Variants in EHBP1 observed in about 807,000 individuals in gnomAD.
EHBP1 encodes the protein EH domain-binding protein 1.
A neutral mutation model predicts 144.0 loss-of-function variants in EHBP1; 55 were observed. That is an observed-to-expected ratio of 0.38 (90% CI 0.31 to 0.48). The LOEUF (loss-of-function observed/expected upper bound fraction) is 0.48. Among genes scored for constraint, EHBP1 ranks in the 20% least tolerant of loss-of-function variants. The pLI, the probability that EHBP1 is intolerant of heterozygous loss-of-function variation, is 0.98. For missense variants in EHBP1, 1,200 were observed against 1,364.2 expected (o/e 0.88, Z 1.90); for synonymous variants, 469 against 472.7 (o/e 0.99, Z 0.10).
At chr2:62,957,117 C>T (rs2057741271) in intron 14 of EHBP1, among the ~76,000 whole-genome samples, 1 of 152,016 alleles carries the variant, frequency 6.6e-6, no homozygotes, top group Non-Finnish European at 1.5e-5. Context: ...ACAAATTCAA[C>T]CCAGAAGTTA....
chr2:62,993,943 C>T lies in EHBP1; in HGVS notation c.2945C>T (p.Thr982Ile). Residue 982 changes from threonine to isoleucine, a missense_variant, in exon 18 of 23, where the codon ACT becomes ATT. Coordinates refer to ENST00000431489, the MANE Select transcript of EHBP1 (RefSeq NM_001142616.3). ...GAGGAGAAGGCAGCGATAACTGAAA[C>T]TCAGAGGAAGCCATCAGAAGATGAA... ...GNEEKAAITE[T>I]QRKPSEDEVL... The T allele has an allele frequency of 6.3e-7, 1 of 1,584,720 alleles. No homozygotes were observed. The highest frequency in any genetic ancestry group is 1.2e-5 in the South Asian group (1 of 86,522).
At chr2:62,761,932 C>T (rs1262054854) in intron 3 of EHBP1, among the ~76,000 whole-genome samples, 1 of 152,130 alleles carries the variant, frequency 6.6e-6, no homozygotes, top group Non-Finnish European at 1.5e-5. Flanking sequence ...TGTTTCTTCC[C>T]ATTCTTTCTT....
intron 10 of EHBP1, among the ~76,000 whole-genome samples, chr2:62,898,365 C>G (rs1423959337): frequency 6.6e-6 from 1 of 152,120 alleles, no homozygotes; most frequent in Non-Finnish European, 1.5e-5. Context: ...CGTGAGCTCT[C>G]CTGAAAGACA....
chr2:63,011,385 TG>T (rs879344237), intron 19 of EHBP1, among the ~76,000 whole-genome samples: 17 of 152,068 alleles, frequency 1.1e-4, no homozygotes, highest in Admixed American at 1.0e-3. Flanking sequence ...AATGTTAGTG[TG>T]TGTGTAGCTT....
rs752981477 is a variant in EHBP1, at chr2:62,864,755, C to T, written c.782C>T (p.Pro261Leu). The change falls in exon 9 of 23, where the codon CCT becomes CTT. Residue 261 changes from proline to leucine, a missense_variant. Pro to Leu is a moderately conservative substitution (Grantham distance 98). This residue lies in a region of EHBP1 where 266 missense variants were observed against 262.4 expected (regional missense o/e 1.01). Coordinates refer to ENST00000431489, the MANE Select transcript of EHBP1 (RefSeq NM_001142616.3). Reference sequence around the variant, plus strand: ...GAACCTATCACTGAAACAGCTTCACCTAGAAAAACAGAAGACTCTTTTTAT... The same window carrying T: ...GAACCTATCACTGAAACAGCTTCACTTAGAAAAACAGAAGACTCTTTTTAT... ...SEEPITETAS[P>L]RKTEDSFYNN... is the part of the protein sequence containing the mutation. 1 of 1,611,850 alleles carries T rather than the reference C, an allele frequency of 6.2e-7. No homozygotes were observed. The highest frequency in any genetic ancestry group is 8.5e-7 in the Non-Finnish European group (1 of 1,179,192).
At chr2:62,862,698 G>A (rs970517295) in intron 8 of EHBP1, among the ~76,000 whole-genome samples, 1 of 152,098 alleles carries the variant, frequency 6.6e-6, no homozygotes, top group Non-Finnish European at 1.5e-5. Context: ...ATGTCACTTA[G>A]GAAACAATTT....
chr2:63,021,253 C>G (rs1179037642), intron 19 of EHBP1, among the ~76,000 whole-genome samples: 1 of 151,994 alleles, frequency 6.6e-6, no homozygotes, highest in African/African-American at 2.4e-5. Context: ...TCTCCCCCAG[C>G]CCCCCAGAAA....
rs76324625 is a variant in EHBP1, at chr2:62,764,768, G to A, written c.258+407G>A. ...TATTAATGTTAATGTAACAAGATGTGTTTTAAATTGATATTTGATAAATAT... is the reference window on the plus strand; with the variant it reads ...TATTAATGTTAATGTAACAAGATGTATTTTAAATTGATATTTGATAAATAT... On this transcript the variant is annotated intron_variant, in intron 4 of 22. Transcript: ENST00000431489. Among the ~76,000 whole-genome samples the A allele has an allele frequency of 6.4e-4, 98 of 152,096 alleles. No individual in the cohort carries two copies. In the East Asian group the frequency reaches 0.017, roughly 27 times the overall value.
At chr2:62,754,365 AG>A (rs1242862323) in intron 3 of EHBP1, among the ~76,000 whole-genome samples, 1 of 152,146 alleles carries the variant, frequency 6.6e-6, no homozygotes, top group Admixed American at 6.5e-5. Flanking sequence ...CTCATCTCAG[AG>A]GGGTACCTGG....
At chr2:62,821,273 A>T (rs1205003604) in intron 5 of EHBP1, among the ~76,000 whole-genome samples, 3 of 152,200 alleles carry the variant, frequency 2.0e-5, no homozygotes, top group African/African-American at 7.2e-5. Context: ...TAGGAGAGGC[A>T]TTACATTAAT....
At chr2:62,883,868 G>A (rs547563907) in intron 10 of EHBP1, among the ~76,000 whole-genome samples, 2 of 152,316 alleles carry the variant, frequency 1.3e-5, no homozygotes, top group Admixed American at 1.3e-4. Context: ...TTACTTGGGA[G>A]GTTAAGGTGG....
At chr2:62,805,734 C>G (rs2044398170) in intron 5 of EHBP1, among the ~76,000 whole-genome samples, 1 of 152,118 alleles carries the variant, frequency 6.6e-6, no homozygotes, top group Non-Finnish European at 1.5e-5. Flanking sequence ...CCAGGCTGGT[C>G]TCAAGCTCCT....
chr2:62,961,688 CTTTT>C (rs926233140), intron 14 of EHBP1, among the ~76,000 whole-genome samples: 5 of 152,166 alleles, frequency 3.3e-5, no homozygotes, highest in African/African-American at 9.6e-5. Context: ...GAAAATATTT[CTTTT>C]TTTATTATTT....
intron 4 of EHBP1, 102 bp downstream of exon 4, chr2:62,764,463 G>A: frequency 3.9e-6 from 3 of 773,740 alleles, no homozygotes; most frequent in East Asian, 3.1e-5. Flanking sequence ...TGTCCAGTCT[G>A]GTACCTACTG....
At chr2:62,802,388 A>G (rs1189573544) in intron 5 of EHBP1, among the ~76,000 whole-genome samples, 1 of 152,186 alleles carries the variant, frequency 6.6e-6, no homozygotes, top group Non-Finnish European at 1.5e-5. Context: ...CTCTCACAAC[A>G]AAGAAGAATT....
At chr2:62,759,975 A>G (rs1342324439) in intron 3 of EHBP1, among the ~76,000 whole-genome samples, 1 of 152,074 alleles carries the variant, frequency 6.6e-6, no homozygotes, top group Non-Finnish European at 1.5e-5. Context: ...GCTTTCTACT[A>G]GTACAGTTGT....
intron 19 of EHBP1, among the ~76,000 whole-genome samples, chr2:63,033,496 G>A (rs889128059): frequency 3.3e-5 from 5 of 151,946 alleles, no homozygotes; most frequent in South Asian, 2.1e-4. Context: ...CATTGAATTC[G>A]TCTTCTATTC....
intron 19 of EHBP1, among the ~76,000 whole-genome samples, chr2:63,035,558 T>G (rs1420837932): frequency 1.3e-5 from 2 of 152,068 alleles, no homozygotes; most frequent in Non-Finnish European, 2.9e-5. Flanking sequence ...GCTGATTGCT[T>G]CTAGTATTGC....
intron 3 of EHBP1, among the ~76,000 whole-genome samples, chr2:62,756,199 C>G (rs1032092297): frequency 6.6e-6 from 1 of 151,430 alleles, no homozygotes; most frequent in Non-Finnish European, 1.5e-5. Context: ...AAAAGTTAGT[C>G]AAATAATTTC....
Sources: allele counts gnomAD v4.1 joint callset (sites outside exome capture counted in the v4.1 genomes callset), GRCh38; gene constraint gnomAD v4.1.1; regional missense constraint gnomAD v4.1.1; transcripts MANE v1.5; gene names NCBI Gene and HGNC (gene_info 2026-07-23, HGNC 2026-07-21).